CTNS: variants seen among roughly 807,000 people sequenced by gnomAD.
CTNS encodes cystinosin, lysosomal cystine transporter, also known as cystinosin.
CTNS carries 27 observed loss-of-function variants against 43.7 expected under a neutral mutation model. The ratio of observed to expected loss-of-function variants is 0.62; its 90% confidence interval spans 0.46 to 0.85. The LOEUF (loss-of-function observed/expected upper bound fraction) is 0.85. Among genes scored for constraint, CTNS ranks in the 40% least tolerant of loss-of-function variants. CTNS has a pLI of 0.00. For missense variants in CTNS, 457 were observed against 475.4 expected (o/e 0.96, Z 0.36); for synonymous variants, 187 against 190.6 (o/e 0.98, Z 0.16).
rs1290718708 is a variant in CTNS at position 3,656,724 on chromosome 17, A to G, written c.610A>G (p.Asn204Asp). ...CAACGGAGTGAACCCCGTGAACAGC[A>G]ACGACGTCTTCTTCAGCCTGCACGC... is the stretch of plus-strand genomic sequence containing the variant. ...YPNGVNPVNS[N>D]DVFFSLHAVV... The change falls in exon 9 of 12, where the codon AAC becomes GAC. Residue 204 changes from asparagine (N) to aspartate (D), a missense_variant. Physicochemically the swap from Asn to Asp is conservative, Grantham distance 23. Coordinates refer to ENST00000046640, the MANE Select transcript of CTNS (RefSeq NM_004937.3). The G allele has an allele frequency of 1.2e-6, 2 of 1,613,238 alleles. No homozygotes were observed. Among genetic ancestry groups the G allele is most frequent in the African/African-American group, 2.7e-5 (2 of 74,834 alleles).
intron 3 of CTNS, among the ~76,000 whole-genome samples, chr17:3,644,001 T>G (rs532556088): frequency 6.6e-6 from 1 of 152,296 alleles, no homozygotes; most frequent in East Asian, 1.9e-4. Context: ...GATCACTCTC[T>G]TTAGGAGGAA....
chr17:3,636,589 C>T, upstream of CTNS: 1 of 224,584 alleles, frequency 4.5e-6, no homozygotes, highest in African/African-American at 2.3e-5. Context: ...GCCGGAGCCC[C>T]GATCTCTGCG....
At chr17:3,643,394 T>C (rs528362257) in intron 3 of CTNS, among the ~76,000 whole-genome samples, 1 of 151,990 alleles carries the variant, frequency 6.6e-6, no homozygotes, top group Admixed American at 6.6e-5. Flanking sequence ...GTAGCTGGTA[T>C]TGGGTAGGTG....
intron 3 of CTNS, among the ~76,000 whole-genome samples, chr17:3,643,175 G>T (rs1169388473): frequency 2.0e-5 from 3 of 151,840 alleles, no homozygotes; most frequent in African/African-American, 7.3e-5. Flanking sequence ...TTAGTCGGGC[G>T]TGGTGGCGGG....
intron 2 of CTNS, among the ~76,000 whole-genome samples, chr17:3,637,658 G>C (rs759888864): frequency 6.6e-6 from 1 of 151,918 alleles, no homozygotes; most frequent in South Asian, 2.1e-4. Flanking sequence ...GTAGAGATGG[G>C]GATTCACCAT....
Position 3,648,855 on chromosome 17 carries a change from TAAA to T in CTNS, c.150_152del (p.Leu50_Asn51delinsPhe). The T allele has an allele frequency of 1.9e-6, 3 of 1,613,632 alleles. No individual in the cohort carries two copies. Among genetic ancestry groups the T allele is most frequent in the South Asian group, 2.2e-5 (2 of 91,076 alleles). ...ACTCTTGTCCTCCACAGGCCACCAT[TAAA>T]TGCAACCCTGGTGATCACTTTTGAA... On this transcript the variant is annotated inframe_deletion, in exon 5 of 12. Coordinates refer to ENST00000046640, the MANE Select transcript of CTNS (RefSeq NM_004937.3).
chr17:3,659,776 T>C, intron 10 of CTNS, 82 bp from the exon 11 acceptor site: 2 of 987,534 alleles, frequency 2.0e-6, no homozygotes, highest in Non-Finnish European at 3.3e-6. Flanking sequence ...CCGCTTTTGT[T>C]TGGAGGGGCA....
chr17:3,660,785 A>G lies in CTNS; in HGVS notation c.*416A>G. The G allele has an allele frequency of 1.2e-6, 2 of 1,612,048 alleles. No homozygotes were observed. The highest frequency in any genetic ancestry group is 8.5e-7 in the Non-Finnish European group (1 of 1,179,616). On this transcript the variant is annotated 3_prime_UTR_variant, in exon 12 of 12. Coordinates refer to ENST00000046640, the MANE Select transcript of CTNS (RefSeq NM_004937.3). ...ACTTTGCTGCCACCGCTGCATTCCC[A>G]GAGATCAAGCAGCCCGGTGCCGTGG...
At position 3,640,286 on chromosome 17, in the gene CTNS, C is replaced by G. The variant is rs374068354; in HGVS notation, c.61+19C>G. ...AAATGTGGTAAGTTTAGAAATGACA[C>G]GTCAACTTTGTAAAGAGGGAAATGG... On this transcript the variant is annotated intron_variant, in intron 3 of 11. Transcript: ENST00000046640. 4 of 1,610,526 alleles carry G rather than the reference C, an allele frequency of 2.5e-6. No individual in the cohort carries two copies. The highest frequency in any genetic ancestry group is 3.4e-6 in the Non-Finnish European group (4 of 1,176,832).
intron 5 of CTNS, chr17:3,650,221 T>A (rs552349916): frequency 6.4e-7 from 1 of 1,550,560 alleles, no homozygotes; most frequent in South Asian, 1.2e-5. Flanking sequence ...TCAGTAGCCA[T>A]GAGGCACATC....
intron 9 of CTNS, 132 bp from the exon 10 acceptor site, chr17:3,657,873 G>T: frequency 1.0e-6 from 1 of 961,132 alleles, no homozygotes; most frequent in South Asian, 1.4e-5. Flanking sequence ...CCCCCACCTT[G>T]CAGGGGCTCC....
At chr17:3,646,465 T>A (rs1220413318) in intron 3 of CTNS, among the ~76,000 whole-genome samples, 1 of 151,920 alleles carries the variant, frequency 6.6e-6, no homozygotes, top group Non-Finnish European at 1.5e-5. Flanking sequence ...TTTTTTGTAT[T>A]TTTAGTAGAG....
chr17:3,651,859 A>G (rs182808055), intron 5 of CTNS, among the ~76,000 whole-genome samples: 104 of 151,834 alleles, frequency 6.8e-4, no homozygotes, highest in African/African-American at 2.1e-3. Context: ...CTATAATCCC[A>G]GCTACTCAGG....
chr17:3,656,420 C>G, intron 7 of CTNS, 67 bp from the exon 8 acceptor site: 1 of 782,930 alleles, frequency 1.3e-6, no homozygotes, highest in East Asian at 3.1e-5. Context: ...TCCTCACCCT[C>G]TGCCCTGTCC....
chr17:3,645,118 G>C (rs2075814701), intron 3 of CTNS, among the ~76,000 whole-genome samples: 1 of 152,194 alleles, frequency 6.6e-6, no homozygotes. Flanking sequence ...GGTGGTACAG[G>C]AAGTCCCAGC....
At chr17:3,655,195 A>T in intron 6 of CTNS, 26 bp from the exon 7 acceptor site, 1 of 1,614,150 alleles carries the variant, frequency 6.2e-7, no homozygotes, top group Non-Finnish European at 8.5e-7. Flanking sequence ...GCCTCAGCTC[A>T]TCCCGGTCCC....
intron 3 of CTNS, 29 bp from the exon 4 acceptor site, chr17:3,647,415 C>T: frequency 6.3e-7 from 1 of 1,599,932 alleles, no homozygotes. Context: ...TGACCCAGTG[C>T]CTCATGTCAT....
chr17:3,661,422 T>TG lies in CTNS; in HGVS notation c.*1058dup, dbSNP rs71153382. The TG allele has an allele frequency of 2.6e-3, 389 of 151,516 alleles. 3 individuals are homozygous for TG. Among genetic ancestry groups the TG allele is most frequent in the South Asian group, 0.012 (56 of 4,840 alleles). The allele number at this position is 151,516 out of a possible 1,614,324, so 9.4% of individuals were successfully genotyped here. On this transcript the variant is annotated 3_prime_UTR_variant, in exon 12 of 12. Transcript: ENST00000046640. ...GCTGTCCTTCCTATGGCAGGAGGGG[T>TG]GGGGGTCCCAGGACGTGCCTCATAC... is the stretch of plus-strand genomic sequence containing the variant.
chr17:3,641,541 G>C (rs61401290), intron 3 of CTNS, among the ~76,000 whole-genome samples: 1 of 150,688 alleles, frequency 6.6e-6, no homozygotes, highest in Non-Finnish European at 1.5e-5. Context: ...ACAGGCACCC[G>C]CAACTACGCC....
Sources: allele counts gnomAD v4.1 joint callset (sites outside exome capture counted in the v4.1 genomes callset), GRCh38; gene constraint gnomAD v4.1.1; transcripts MANE v1.5; gene names NCBI Gene and HGNC (gene_info 2026-07-23, HGNC 2026-07-21).